SHISA6: variants seen among roughly 807,000 people sequenced by gnomAD.
SHISA6 encodes shisa family member 6.
A neutral mutation model predicts 47.9 loss-of-function variants in SHISA6; 22 were observed. The ratio of observed to expected loss-of-function variants is 0.46; its 90% confidence interval spans 0.33 to 0.66. SHISA6 has a LOEUF of 0.66. Ranked by LOEUF, SHISA6 falls within the 30% of genes least tolerant of loss-of-function variation. The pLI, the probability that SHISA6 is intolerant of heterozygous loss-of-function variation, is 0.02. For synonymous variants in SHISA6, 388 were observed against 337.8 expected (o/e 1.15, Z -1.63); for missense variants, 680 against 764.6 (o/e 0.89, Z 1.30).
chr17:11,388,301 A>G (rs772212742), intron 3 of SHISA6, among the ~76,000 whole-genome samples: 4 of 152,138 alleles, frequency 2.6e-5, no homozygotes, highest in Non-Finnish European at 4.4e-5. Context: ...GCACAGGCTT[A>G]TCTGGGAATG....
At chr17:11,402,643 A>G (rs1913817365) in intron 3 of SHISA6, among the ~76,000 whole-genome samples, 2 of 152,236 alleles carry the variant, frequency 1.3e-5, no homozygotes, top group Non-Finnish European at 2.9e-5. Flanking sequence ...GACTTGATGC[A>G]TGTGACATCC....
intron 2 of SHISA6, among the ~76,000 whole-genome samples, chr17:11,298,637 A>G (rs1205099605): frequency 6.6e-6 from 1 of 152,214 alleles, no homozygotes; most frequent in African/African-American, 2.4e-5. Context: ...TGTGCTAGGC[A>G]GTGTTGCAGT....
At chr17:11,425,415 C>T (rs925735897) in intron 3 of SHISA6, among the ~76,000 whole-genome samples, 2 of 152,104 alleles carry the variant, frequency 1.3e-5, no homozygotes, top group Admixed American at 1.3e-4. Flanking sequence ...CCTCAGCTTC[C>T]TCATCTTATA....
chr17:11,375,128 C>T (rs1912757209), intron 2 of SHISA6, among the ~76,000 whole-genome samples: 1 of 152,016 alleles, frequency 6.6e-6, no homozygotes, highest in African/African-American at 2.4e-5. Flanking sequence ...GATATCGGTC[C>T]CTTTTAATGC....
chr17:11,341,688 G>T (rs1911535750), intron 2 of SHISA6, among the ~76,000 whole-genome samples: 2 of 152,050 alleles, frequency 1.3e-5, no homozygotes, highest in African/African-American at 4.8e-5. Context: ...TCATTGATCT[G>T]CCCAAGGTGG....
chr17:11,431,570 AG>A (rs1024146055), intron 3 of SHISA6, among the ~76,000 whole-genome samples: 1 of 152,226 alleles, frequency 6.6e-6, no homozygotes, highest in Non-Finnish European at 1.5e-5. Flanking sequence ...TAATCTCTTA[AG>A]TCCAAGATAT....
chr17:11,260,184 AT>A (rs1188034604), intron 1 of SHISA6, among the ~76,000 whole-genome samples: 1 of 152,180 alleles, frequency 6.6e-6, no homozygotes, highest in African/African-American at 2.4e-5. Flanking sequence ...TGCCTGATTA[AT>A]TTACTCTCCC....
In SHISA6 at chr17:11,462,723, G is replaced by A. The variant is rs561563257; in HGVS notation, c.895+83214G>A. On this transcript the variant is annotated intron_variant, in intron 3 of 5. Coordinates refer to ENST00000441885, the MANE Select transcript of SHISA6 (RefSeq NM_207386.4). ...GCTCACTGCACCCTCCACTTCCCAG[G>A]TTCAAGCAATTTTCCTGCCTCAGCC... Among the ~76,000 whole-genome samples, 528 of 152,252 alleles carry A rather than the reference G, an allele frequency of 3.5e-3. 1 individual carries two copies. The highest frequency in any genetic ancestry group is 9.5e-3 in the African/African-American group (395 of 41,528).
chr17:11,537,308 C>G (rs2071795893), intron 3 of SHISA6, among the ~76,000 whole-genome samples: 1 of 152,064 alleles, frequency 6.6e-6, no homozygotes, highest in African/African-American at 2.4e-5. Flanking sequence ...GCACAGGAAT[C>G]AGTGACCTCA....
intron 3 of SHISA6, among the ~76,000 whole-genome samples, chr17:11,418,498 A>G (rs932360824): frequency 6.6e-6 from 1 of 152,002 alleles, no homozygotes; most frequent in African/African-American, 2.4e-5. Flanking sequence ...TAGCTTCACC[A>G]CTTAATGGCG....
Position 11,324,818 on chromosome 17 carries a change from G to T in SHISA6, c.800-54596G>T, listed in dbSNP as rs145869127. Among the ~76,000 whole-genome samples the T allele has an allele frequency of 2.0e-3, 306 of 152,166 alleles. 2 individuals are homozygous for T. The highest frequency in any genetic ancestry group is 7.1e-3 in the African/African-American group (295 of 41,498). On this transcript the variant is annotated intron_variant, in intron 2 of 5. Transcript: ENST00000441885. ...CCTGTTATGCTTTGGTCTTCTTAGTGCACAATTAGGAAGCTGAAACTCACA... is the reference window on the plus strand; with the variant it reads ...CCTGTTATGCTTTGGTCTTCTTAGTTCACAATTAGGAAGCTGAAACTCACA...
chr17:11,515,742 A>T (rs2071580482), intron 3 of SHISA6, among the ~76,000 whole-genome samples: 1 of 152,168 alleles, frequency 6.6e-6, no homozygotes, highest in Non-Finnish European at 1.5e-5. Flanking sequence ...GGTGGCTCAG[A>T]TTCTGAGCAG....
At chr17:11,490,170 C>G (rs1300531533) in intron 3 of SHISA6, among the ~76,000 whole-genome samples, 1 of 152,150 alleles carries the variant, frequency 6.6e-6, no homozygotes, top group African/African-American at 2.4e-5. Flanking sequence ...AAGGCATTGG[C>G]CTGCGCTCAT....
chr17:11,559,644 C>A lies in SHISA6; in HGVS notation c.*1340C>A, dbSNP rs117446343. The A allele has an allele frequency of 2.8e-3, 432 of 152,552 alleles. 2 individuals are homozygous for A. The highest frequency in any genetic ancestry group is 3.8e-3 in the Non-Finnish European group (257 of 68,212). 9.4% of individuals were successfully genotyped at this position (152,552 alleles called of 1,614,324 possible). ...CTATTAGCAAAAGCAAACAAAGGTCCTCCAGGCGACTGGCCTAGGGGCTAA... is the reference window on the plus strand; with the variant it reads ...CTATTAGCAAAAGCAAACAAAGGTCATCCAGGCGACTGGCCTAGGGGCTAA... On this transcript the variant is annotated 3_prime_UTR_variant, in exon 6 of 6. Transcript: ENST00000441885. The surrounding 1 kb of genome is among the most constrained non-coding windows in gnomAD (Gnocchi z 4.4).
chr17:11,424,847 C>A (rs1019421273), intron 3 of SHISA6, among the ~76,000 whole-genome samples: 7 of 151,798 alleles, frequency 4.6e-5, no homozygotes, highest in African/African-American at 1.7e-4. Flanking sequence ...ACTAAAAATA[C>A]AAAATATTAG....
chr17:11,376,330 T>G (rs1264705780), intron 2 of SHISA6, among the ~76,000 whole-genome samples: 31 of 151,720 alleles, frequency 2.0e-4, no homozygotes, highest in South Asian at 6.3e-4. Context: ...TGTTTGTTTT[T>G]TTTTTTTTGA....
chr17:11,372,553 C>G (rs1303963223), intron 2 of SHISA6, among the ~76,000 whole-genome samples: 1 of 151,392 alleles, frequency 6.6e-6, no homozygotes. Context: ...GGGGTACTAC[C>G]TATTGCTTTT....
intron 2 of SHISA6, among the ~76,000 whole-genome samples, chr17:11,331,435 G>C (rs568326243): frequency 1.3e-5 from 2 of 152,202 alleles, no homozygotes; most frequent in East Asian, 3.9e-4. Flanking sequence ...GCTATGTCTA[G>C]AGAAAAAAAT....
At chr17:11,445,167 A>G (rs1915196062) in intron 3 of SHISA6, among the ~76,000 whole-genome samples, 1 of 152,040 alleles carries the variant, frequency 6.6e-6, no homozygotes, top group East Asian at 1.9e-4. Flanking sequence ...ACATCTCCAT[A>G]TCCTTACATG....
Sources: allele counts gnomAD v4.1 joint callset (sites outside exome capture counted in the v4.1 genomes callset), GRCh38; gene constraint gnomAD v4.1.1; non-coding constraint Gnocchi (gnomAD v3.1); transcripts MANE v1.5; gene names NCBI Gene and HGNC (gene_info 2026-07-23, HGNC 2026-07-21).